Variants in PHACTR4 observed in about 807,000 individuals in gnomAD.
PHACTR4 encodes phosphatase and actin regulator 4.
Under a neutral mutation model 72.7 loss-of-function variants are expected in PHACTR4, and 51 were observed. The ratio of observed to expected loss-of-function variants is 0.70; its 90% CI spans 0.56 to 0.89. The LOEUF (loss-of-function observed/expected upper bound fraction) is 0.89, where lower values mean the gene tolerates loss of function less well. Among genes scored for constraint, PHACTR4 ranks in the 40% least tolerant of loss-of-function variants. PHACTR4 has a pLI of 0.00. For synonymous variants in PHACTR4, 255 were observed against 302.5 expected, an observed-to-expected ratio of 0.84 and a Z score of 1.63; for missense variants, 731 against 861.8, an observed-to-expected ratio of 0.85 and a Z score of 1.90.
intron 1 of PHACTR4, among the ~76,000 whole-genome samples, chr1:28,397,597 GTAGAT>G (rs1354336962): frequency 6.6e-6 from 1 of 151,970 alleles, no homozygotes; most frequent in Non-Finnish European, 1.5e-5. Flanking sequence ...TTCCATCTGA[GTAGAT>G]TAATTTATAT....
intron 13 of PHACTR4, among the ~76,000 whole-genome samples, chr1:28,495,907 C>A (rs998735473): frequency 1.3e-5 from 2 of 151,820 alleles, no homozygotes; most frequent in Non-Finnish European, 2.9e-5. Context: ...AGGCATGAGC[C>A]ACCGTGACTG....
chr1:28,371,859 G>T (rs1651272444), intron 1 of PHACTR4, among the ~76,000 whole-genome samples: 1 of 152,030 alleles, frequency 6.6e-6, no homozygotes, highest in South Asian at 2.1e-4. Context: ...CTCCCAAAGT[G>T]CTGGTATTAA....
At chr1:28,389,866 G>T (rs1652865719) in intron 1 of PHACTR4, among the ~76,000 whole-genome samples, 1 of 151,942 alleles carries the variant, frequency 6.6e-6, no homozygotes, top group African/African-American at 2.4e-5. Context: ...TCCACTACTG[G>T]GTATATATCC....
intron 10 of PHACTR4, 97 bp from the exon 11 acceptor site, chr1:28,490,854 A>C: frequency 1.5e-6 from 2 of 1,305,906 alleles, no homozygotes; most frequent in Non-Finnish European, 2.2e-6. Context: ...AAAAAAAAAA[A>C]ACAAAAAAGA....
chr1:28,429,075 G>A (rs1656058386), intron 2 of PHACTR4, among the ~76,000 whole-genome samples: 1 of 152,180 alleles, frequency 6.6e-6, no homozygotes, highest in South Asian at 2.1e-4. Flanking sequence ...GAGGCAGTTT[G>A]TTTGTTTTTC....
intron 2 of PHACTR4, among the ~76,000 whole-genome samples, chr1:28,448,273 T>C (rs1033350919): frequency 6.6e-6 from 1 of 151,954 alleles, no homozygotes; most frequent in Non-Finnish European, 1.5e-5. Context: ...CCTAGCACTT[T>C]GGGAGGTCGA....
rs928046712 is a variant in PHACTR4, at chr1:28,495,554, C to G, written c.2094-980C>G. On this transcript the variant is annotated intron_variant, in intron 13 of 13. Transcript: ENST00000373839. ...AGAATCCAGAAAGAAAGCAAAGTCT[C>G]AAGATACAAATGAAAGAAGATAGTG... Among the ~76,000 whole-genome samples the G allele has an allele frequency of 1.1e-4, 16 of 152,084 alleles. 1 individual carries two copies. The highest frequency in any genetic ancestry group is 3.4e-3 in the Middle Eastern group (1 of 294).
chr1:28,385,774 C>T (rs1425793901), intron 1 of PHACTR4, among the ~76,000 whole-genome samples: 2 of 151,610 alleles, frequency 1.3e-5, no homozygotes, highest in East Asian at 4.0e-4. Context: ...TGCCACCACG[C>T]CCAGCTAATT....
At position 28,476,772 on chromosome 1, in the gene PHACTR4, C is replaced by CTTTTT. The variant is rs35369238; in HGVS notation, c.1606+492_1606+496dup. ...GTCTCGTTAGGTTGCCTAGCCTGTT[C>CTTTTT]TTTTTTTTTTTTTTTGAGACGGAGT... On this transcript the variant is annotated intron_variant, in intron 8 of 13. Transcript: ENST00000373839. 5.2e-4 allele frequency among the ~76,000 whole-genome samples: 51 copies of CTTTTT among 98,434 alleles called. 3 individuals carry two copies. Among genetic ancestry groups the CTTTTT allele is most frequent in the African/African-American group, 2.4e-3 (49 of 20,542 alleles). The allele number at this position is 98,434 out of a possible 152,430, so 64.6% of individuals were successfully genotyped here.
Position 28,466,652 on chromosome 1 carries a change from C to G in PHACTR4, c.707C>G (p.Ala236Gly). 6.2e-7 allele frequency: 1 copy of G among 1,613,978 alleles called. No individual in the cohort carries two copies. The highest frequency in any genetic ancestry group is 8.5e-7 in the Non-Finnish European group (1 of 1,180,000). ...TCCCCAGCACCCAGGACTCTGCCTG[C>G]TGCTCCTGCCAGCACTAACACTACT... ...TPSPAPRTLP[A>G]APASTNTTAT... The change falls in exon 6 of 14, where the codon GCT becomes GGT. Residue 236 changes from alanine (A) to glycine (G), a missense_variant. Physicochemically the swap from Ala to Gly is moderately conservative, Grantham distance 60 (BLOSUM62 0). This residue lies in a region of PHACTR4 where 621 missense variants were observed against 676.6 expected (regional missense o/e 0.92). Coordinates refer to ENST00000373839, the MANE Select transcript of PHACTR4 (RefSeq NM_001048183.3).
rs1406197421 is a variant in PHACTR4 at position 28,489,161 on chromosome 1, C to T, written c.1761-9C>T. ...ACATAAACATTACCTTTATTTATCTCATTTTTAGGCGACTGAGTCAAAGAC... is the reference window on the plus strand; with the variant it reads ...ACATAAACATTACCTTTATTTATCTTATTTTTAGGCGACTGAGTCAAAGAC... On this transcript the variant is annotated splice_polypyrimidine_tract_variant and intron_variant, in intron 9 of 13. Coordinates refer to ENST00000373839, the MANE Select transcript of PHACTR4 (RefSeq NM_001048183.3). 6.2e-7 allele frequency: 1 copy of T among 1,609,938 alleles called. No individual in the cohort carries two copies. Among genetic ancestry groups the T allele is most frequent in the Non-Finnish European group, 8.5e-7 (1 of 1,177,686 alleles).
chr1:28,456,616 C>A (rs1045371376), intron 2 of PHACTR4, among the ~76,000 whole-genome samples: 1 of 150,920 alleles, frequency 6.6e-6, no homozygotes, highest in African/African-American at 2.5e-5. Flanking sequence ...CACATGGCAC[C>A]CTGCCCAACT....
intron 1 of PHACTR4, among the ~76,000 whole-genome samples, chr1:28,406,680 T>C (rs1374067317): frequency 1.3e-5 from 2 of 152,166 alleles, no homozygotes; most frequent in Non-Finnish European, 1.5e-5. Flanking sequence ...GTTTAGTATT[T>C]AGACTGTTAG....
chr1:28,374,894 G>A (rs1651521686), intron 1 of PHACTR4, among the ~76,000 whole-genome samples: 1 of 152,232 alleles, frequency 6.6e-6, no homozygotes, highest in African/African-American at 2.4e-5. Context: ...TAACATGGAT[G>A]TAATTGATTC....
intron 2 of PHACTR4, among the ~76,000 whole-genome samples, chr1:28,431,965 C>T (rs897251772): frequency 6.6e-6 from 1 of 151,998 alleles, no homozygotes; most frequent in Non-Finnish European, 1.5e-5. Context: ...AATCCCAGCA[C>T]TTTGGGAGGC....
chr1:28,451,351 C>T (rs1485490074), intron 2 of PHACTR4, among the ~76,000 whole-genome samples: 2 of 151,560 alleles, frequency 1.3e-5, no homozygotes, highest in African/African-American at 4.9e-5. Flanking sequence ...AACAGAAATT[C>T]ATACTAAGAA....
chr1:28,402,272 A>C (rs761680281), intron 1 of PHACTR4, among the ~76,000 whole-genome samples: 2 of 147,960 alleles, frequency 1.4e-5, no homozygotes, highest in Admixed American at 1.3e-4. Flanking sequence ...CTGGGGGGGA[A>C]AAAATTGGGA....
At chr1:28,465,021 TATAA>T (rs771642007) in intron 4 of PHACTR4, among the ~76,000 whole-genome samples, 12 of 152,102 alleles carry the variant, frequency 7.9e-5, no homozygotes, top group Non-Finnish European at 1.5e-4. Context: ...GTCTTATTCA[TATAA>T]CAACGTACTT....
At chr1:28,466,844 C>G in intron 6 of PHACTR4, 76 bp downstream of exon 6, 1 of 1,507,290 alleles carries the variant, frequency 6.6e-7, no homozygotes. Flanking sequence ...ATAACTGGTA[C>G]AACATTGATT....
Sources: gnomAD v4.1 joint callset for allele counts (sites outside exome capture counted in the v4.1 genomes callset) on GRCh38, gnomAD v4.1.1 for gene constraint, gnomAD v4.1.1 regional missense constraint, MANE v1.5 for transcripts, NCBI Gene and HGNC (gene_info 2026-07-23, HGNC 2026-07-21) for gene names.